TMED8: variants seen among roughly 807,000 people sequenced by gnomAD.
TMED8 encodes transmembrane p24 trafficking protein family member 8.
In TMED8, 15 loss-of-function variants were observed where a neutral mutation model predicts 32.7. That is an observed-to-expected ratio of 0.46 (90% confidence interval 0.31 to 0.71). The LOEUF (loss-of-function observed/expected upper bound fraction) is 0.71, where lower values mean the gene tolerates loss of function less well. TMED8 is among the 30% of genes least tolerant of loss of function. The pLI is 0.06. For missense variants in TMED8, 390 were observed against 423.9 expected (o/e 0.92, Z 0.70); for synonymous variants, 147 against 161.4 (o/e 0.91, Z 0.68).
chr14:77,352,841 A>T (rs1032707235), intron 1 of TMED8, among the ~76,000 whole-genome samples: 6 of 152,328 alleles, frequency 3.9e-5, no homozygotes, highest in Admixed American at 3.9e-4. Flanking sequence ...AGATAAACTG[A>T]ATTTAGCATC....
chr14:77,341,639 G>C lies in TMED8; in HGVS notation c.*132C>G. 1.2e-6 allele frequency: 1 copy of C among 856,278 alleles called. No homozygotes were observed. Among genetic ancestry groups the C allele is most frequent in the Non-Finnish European group, 1.8e-6 (1 of 541,028 alleles). The allele number at this position is 856,278 out of a possible 1,614,324, so 53.0% of individuals were successfully genotyped here. A position where few individuals can be genotyped will look rare whatever the true frequency, so the allele number is the denominator to read the frequency against. ...AAAAAGCTACGTGGGCCAACAGTCAGGCATGCCAGACAGGGTGTGAGGCTC... is the reference window on the plus strand; with the variant it reads ...AAAAAGCTACGTGGGCCAACAGTCACGCATGCCAGACAGGGTGTGAGGCTC... On this transcript the variant is annotated 3_prime_UTR_variant, in exon 6 of 6. Transcript: ENST00000216468.
chr14:77,352,944 A>G (rs141733016), intron 1 of TMED8, among the ~76,000 whole-genome samples: 20 of 152,326 alleles, frequency 1.3e-4, no homozygotes, highest in African/African-American at 4.6e-4. Context: ...TATTTATTCA[A>G]TCACTCATTT....
chr14:77,372,062 C>T (rs1455955047), intron 1 of TMED8, among the ~76,000 whole-genome samples: 1 of 152,122 alleles, frequency 6.6e-6, no homozygotes, highest in Non-Finnish European at 1.5e-5. Flanking sequence ...ACGGTATTCT[C>T]CAGTGTGGCA....
intron 1 of TMED8, among the ~76,000 whole-genome samples, chr14:77,368,832 T>C (rs1197962794): frequency 6.6e-6 from 1 of 152,218 alleles, no homozygotes; most frequent in Non-Finnish European, 1.5e-5. Flanking sequence ...ATATGTATTA[T>C]AATTACCTGC....
chr14:77,341,485 T>C lies in TMED8; in HGVS notation c.*286A>G, dbSNP rs1021369378. On this transcript the variant is annotated 3_prime_UTR_variant, in exon 6 of 6. Coordinates refer to ENST00000216468, the MANE Select transcript of TMED8 (RefSeq NM_213601.3). ...CTATTTTTAAAAAACATCGCCCTGC[T>C]TCCTTTTAGGCTTGTGCCCCATAGG... is the stretch of plus-strand genomic sequence containing the variant. 4.5e-6 allele frequency: 2 copies of C among 447,730 alleles called. No homozygotes were observed. Among genetic ancestry groups the C allele is most frequent in the Non-Finnish European group, 8.1e-6 (2 of 246,218 alleles). The allele number at this position is 447,730 out of a possible 1,614,324, so 27.7% of individuals were successfully genotyped here.
At chr14:77,373,629 C>T (rs1159750775) in intron 1 of TMED8, among the ~76,000 whole-genome samples, 1 of 152,180 alleles carries the variant, frequency 6.6e-6, no homozygotes, top group Non-Finnish European at 1.5e-5. Context: ...TGGATAATGA[C>T]ACATTCCTGC....
At chr14:77,364,526 T>C (rs1893507521) in intron 1 of TMED8, among the ~76,000 whole-genome samples, 1 of 152,092 alleles carries the variant, frequency 6.6e-6, no homozygotes, top group Non-Finnish European at 1.5e-5. Flanking sequence ...ATTACAGGCA[T>C]GAGCCATGAT....
chr14:77,359,496 C>G (rs1388209263), intron 1 of TMED8: 2 of 305,352 alleles, frequency 6.5e-6, no homozygotes, highest in Non-Finnish European at 1.3e-5. Flanking sequence ...ACATGACCTA[C>G]CCAGGACAAC....
At chr14:77,343,541 C>A (rs1221322345) in intron 4 of TMED8, 58 bp from the exon 5 acceptor site, 1 of 1,592,510 alleles carries the variant, frequency 6.3e-7, no homozygotes, top group South Asian at 1.1e-5. Context: ...GTACCCCGGG[C>A]ATTTTGCTAA....
At chr14:77,364,106 G>A (rs1893497490) in intron 1 of TMED8, among the ~76,000 whole-genome samples, 2 of 152,222 alleles carry the variant, frequency 1.3e-5, no homozygotes, top group Admixed American at 1.3e-4. Flanking sequence ...CAAACTGTTA[G>A]AAAATTGGCA....
Position 77,375,406 on chromosome 14 carries a change from G to A in TMED8, c.118+1530C>T, listed in dbSNP as rs138484967. Among the ~76,000 whole-genome samples, 46 of 152,162 alleles carry A rather than the reference G, an allele frequency of 3.0e-4. No individual in the cohort carries two copies. In the East Asian group the frequency reaches 8.3e-3, roughly 27 times the overall value. ...GCCATAAACACATGAGAACCTAAAGGGGAAGTAAAAACATGCTTAATTTGT... is the reference window on the plus strand; with the variant it reads ...GCCATAAACACATGAGAACCTAAAGAGGAAGTAAAAACATGCTTAATTTGT... On this transcript the variant is annotated intron_variant, in intron 1 of 5. Coordinates refer to ENST00000216468, the MANE Select transcript of TMED8 (RefSeq NM_213601.3).
chr14:77,344,573 T>A (rs528370329), intron 3 of TMED8, among the ~76,000 whole-genome samples: 3 of 152,314 alleles, frequency 2.0e-5, no homozygotes, highest in Admixed American at 2.0e-4. Flanking sequence ...CCTGGTGAGT[T>A]TCCCTTCAAA....
At chr14:77,365,503 G>A (rs1893532365) in intron 1 of TMED8, among the ~76,000 whole-genome samples, 1 of 152,210 alleles carries the variant, frequency 6.6e-6, no homozygotes, top group African/African-American at 2.4e-5. Flanking sequence ...ACTTGGCCAA[G>A]TCAAGTGGAA....
intron 1 of TMED8, among the ~76,000 whole-genome samples, chr14:77,370,527 G>A (rs1369379521): frequency 6.9e-6 from 1 of 145,634 alleles, no homozygotes; most frequent in Non-Finnish European, 1.5e-5. Context: ...TGCCAAGTTT[G>A]TGTGTGTGTC....
chr14:77,367,257 A>C (rs1893573887), intron 1 of TMED8, among the ~76,000 whole-genome samples: 2 of 151,568 alleles, frequency 1.3e-5, no homozygotes, highest in South Asian at 4.2e-4. Context: ...AAAAAAAAAA[A>C]AAAAAAAAAA....
chr14:77,376,478 T>C lies in TMED8; in HGVS notation c.118+458A>G, dbSNP rs1162369688. Reference sequence around the variant, plus strand: ...AGGAAGGCAAGGCTGCCAACCCGGGTGGGGGCCGAGAGGCGCGTGGTAAGG... The same window carrying C: ...AGGAAGGCAAGGCTGCCAACCCGGGCGGGGGCCGAGAGGCGCGTGGTAAGG... On this transcript the variant is annotated intron_variant, in intron 1 of 5. Transcript: ENST00000216468. The surrounding 1 kb of genome is among the most constrained non-coding windows in gnomAD (Gnocchi z 4.0). Among the ~76,000 whole-genome samples, 1 of 148,736 alleles carries C rather than the reference T, an allele frequency of 6.7e-6. No homozygotes were observed. Among genetic ancestry groups the C allele is most frequent in the East Asian group, 2.0e-4 (1 of 5,020 alleles).
Position 77,351,753 on chromosome 14 carries a change from T to C in TMED8, c.119-2A>G. Reference sequence around the variant, plus strand: ...CCTTGTTTTCTAGATCTTCATTCTCTAGAAAACCATAGAAAGAAAGAATTC... The same window carrying C: ...CCTTGTTTTCTAGATCTTCATTCTCCAGAAAACCATAGAAAGAAAGAATTC... On this transcript the variant is annotated splice_acceptor_variant, in intron 1 of 5. Coordinates refer to ENST00000216468, the MANE Select transcript of TMED8 (RefSeq NM_213601.3). LOFTEE classifies it high-confidence loss of function. 3 of 1,603,744 alleles carry C rather than the reference T, an allele frequency of 1.9e-6. No individual in the cohort carries two copies. The highest frequency in any genetic ancestry group is 2.6e-6 in the Non-Finnish European group (3 of 1,173,476).
intron 1 of TMED8, among the ~76,000 whole-genome samples, chr14:77,372,880 C>T (rs1893702427): frequency 9.1e-6 from 1 of 110,280 alleles, no homozygotes; most frequent in African/African-American, 3.3e-5. Context: ...AATTTTAATT[C>T]ATGCACATTG....
Position 77,341,928 on chromosome 14 carries a change from C to T in TMED8, c.821G>A (p.Gly274Glu). ...CCGCCGGTACACAGGCATGACCTCCCCATAGCGACCCCGCAAGGAGCTCCT... is the reference window on the plus strand; with the variant it reads ...CCGCCGGTACACAGGCATGACCTCCTCATAGCGACCCCGCAAGGAGCTCCT... ...GSRSSLRGRYGEVMPVYRRDS... is the reference protein window; with the variant it reads ...GSRSSLRGRYEEVMPVYRRDS... Residue 274 changes from glycine to glutamate, a missense_variant, in exon 6 of 6, where the codon GGG becomes GAG. Physicochemically the swap from Gly to Glu is moderately conservative, Grantham distance 98. Transcript: ENST00000216468. The T allele has an allele frequency of 6.2e-7, 1 of 1,614,032 alleles. No individual in the cohort carries two copies. Among genetic ancestry groups the T allele is most frequent in the Non-Finnish European group, 8.5e-7 (1 of 1,180,002 alleles).
Sources: allele counts gnomAD v4.1 joint callset (sites outside exome capture counted in the v4.1 genomes callset), GRCh38; gene constraint gnomAD v4.1.1; non-coding constraint Gnocchi (gnomAD v3.1); transcripts MANE v1.5; gene names NCBI Gene and HGNC (gene_info 2026-07-23, HGNC 2026-07-21).